The following GLRA3 variants were observed in gnomAD, a reference collection of about 807,000 sequenced individuals.
GLRA3 encodes the protein glycine receptor alpha 3, also known as glycine receptor subunit alpha-3.
GLRA3 carries 44 observed loss-of-function variants against 60.4 expected under a neutral mutation model. The observed-to-expected ratio is 0.73, with a 90% CI of 0.57 to 0.94. The LOEUF (loss-of-function observed/expected upper bound fraction) is 0.94, where lower values mean the gene tolerates loss of function less well. Ranked by LOEUF, GLRA3 falls within the 40% of genes least tolerant of loss-of-function variation. The probability of loss-of-function intolerance (pLI) is 0.00; values close to 1 mark genes in which losing one functional copy is unlikely to be tolerated. For missense variants in GLRA3, 508 were observed against 564.6 expected, an observed-to-expected ratio of 0.90 and a Z score of 1.02; for synonymous variants, 223 against 192.9, an observed-to-expected ratio of 1.16 and a Z score of -1.29.
chr4:174,826,042 G>T (rs910212527), intron 1 of GLRA3, among the ~76,000 whole-genome samples: 5 of 152,112 alleles, frequency 3.3e-5, no homozygotes, highest in Admixed American at 6.5e-5. Context: ...ACCCATGCCT[G>T]TGCTATGCTT....
chr4:174,753,276 C>G (rs1276360421), intron 3 of GLRA3, among the ~76,000 whole-genome samples: 2 of 152,178 alleles, frequency 1.3e-5, no homozygotes, highest in South Asian at 2.1e-4. Context: ...GAAGTCTCAT[C>G]GCAGCAACAG....
intron 3 of GLRA3, among the ~76,000 whole-genome samples, chr4:174,744,079 C>T (rs1737132225): frequency 6.6e-6 from 1 of 152,198 alleles, no homozygotes; most frequent in South Asian, 2.1e-4. Flanking sequence ...TCTTCCCCTA[C>T]TCTGTATGGT....
intron 3 of GLRA3, among the ~76,000 whole-genome samples, chr4:174,766,013 A>T (rs898698192): frequency 6.6e-6 from 1 of 151,582 alleles, no homozygotes; most frequent in African/African-American, 2.4e-5. Context: ...ACACTCACAC[A>T]CACCTCTACA....
chr4:174,653,155 T>A (rs1733081747), intron 9 of GLRA3, among the ~76,000 whole-genome samples: 1 of 152,104 alleles, frequency 6.6e-6, no homozygotes, highest in Non-Finnish European at 1.5e-5. Flanking sequence ...TAAATTGTTA[T>A]TAATCTCTAT....
chr4:174,682,104 C>A (rs1231971060), intron 6 of GLRA3, among the ~76,000 whole-genome samples: 1 of 152,074 alleles, frequency 6.6e-6, no homozygotes, highest in East Asian at 1.9e-4. Flanking sequence ...ATGTACTCAC[C>A]ACAATGGAGT....
chr4:174,686,875 T>G (rs12641133), intron 5 of GLRA3, among the ~76,000 whole-genome samples: 4 of 152,208 alleles, frequency 2.6e-5, no homozygotes, highest in African/African-American at 9.7e-5. Context: ...ATATAAAGTG[T>G]CAAATAATGT....
At chr4:174,696,967 A>T (rs1384881152) in intron 5 of GLRA3, among the ~76,000 whole-genome samples, 1 of 152,176 alleles carries the variant, frequency 6.6e-6, no homozygotes, top group Non-Finnish European at 1.5e-5. Context: ...GTTTCTATTC[A>T]AATTTCCTAG....
At position 174,790,777 on chromosome 4, in the gene GLRA3, G is replaced by A. The variant is rs1190056784; in HGVS notation, c.72-1834C>T. Among the ~76,000 whole-genome samples, 3 of 138,172 alleles carry A rather than the reference G, an allele frequency of 2.2e-5. No homozygotes were observed. The East Asian group carries it at 6.4e-4, about 30-fold the overall frequency. 90.6% of individuals were successfully genotyped at this position (138,172 alleles called of 152,430 possible). A position where few individuals can be genotyped will look rare whatever the true frequency, so the allele number is the denominator to read the frequency against. On this transcript the variant is annotated intron_variant, in intron 1 of 9. Transcript: ENST00000274093. ...GGGTGGATCACGAGGTAAGGAGATC[G>A]AGACCATTCTGGCTAACATGGTGAA...
intron 1 of GLRA3, among the ~76,000 whole-genome samples, chr4:174,804,719 C>T (rs753324951): frequency 6.6e-6 from 1 of 152,304 alleles, no homozygotes; most frequent in Non-Finnish European, 1.5e-5. Context: ...GAATAGCTCT[C>T]TGCACAGAAC....
intron 3 of GLRA3, among the ~76,000 whole-genome samples, chr4:174,735,244 G>A (rs1214524570): frequency 6.6e-6 from 1 of 152,126 alleles, no homozygotes; most frequent in African/African-American, 2.4e-5. Flanking sequence ...AAGCCTGTGG[G>A]TAGGAGAAAA....
chr4:174,756,882 G>A (rs938063126), intron 3 of GLRA3, among the ~76,000 whole-genome samples: 2 of 152,040 alleles, frequency 1.3e-5, no homozygotes, highest in Non-Finnish European at 1.5e-5. Context: ...TCCTGACCTC[G>A]TGATCCACCC....
intron 9 of GLRA3, among the ~76,000 whole-genome samples, chr4:174,651,416 G>T (rs968400589): frequency 2.6e-5 from 4 of 152,034 alleles, no homozygotes; most frequent in Non-Finnish European, 1.5e-5. Flanking sequence ...TAGGGTGAGA[G>T]AAAATATATA....
intron 2 of GLRA3, among the ~76,000 whole-genome samples, chr4:174,779,384 C>T (rs570556837): frequency 2.0e-5 from 3 of 152,064 alleles, no homozygotes; most frequent in Non-Finnish European, 4.4e-5. Flanking sequence ...CAGAAAAACT[C>T]GAAACTCTAA....
chr4:174,779,222 A>G (rs1277297244), intron 2 of GLRA3, among the ~76,000 whole-genome samples: 1 of 152,168 alleles, frequency 6.6e-6, no homozygotes, highest in Admixed American at 6.5e-5. Context: ...CTCACACGGC[A>G]GGGTACTCCA....
chr4:174,826,837 A>G (rs1005864334), intron 1 of GLRA3, among the ~76,000 whole-genome samples: 1 of 147,372 alleles, frequency 6.8e-6, no homozygotes, highest in Non-Finnish European at 1.5e-5. Flanking sequence ...CCAGGAAGAC[A>G]TTTATTTTAC....
chr4:174,681,627 C>T (rs1315487050), intron 6 of GLRA3, among the ~76,000 whole-genome samples: 1 of 152,098 alleles, frequency 6.6e-6, no homozygotes, highest in Non-Finnish European at 1.5e-5. Flanking sequence ...TTCCCTAAAG[C>T]TTTGAGGGAA....
At chr4:174,672,999 G>A (rs1200532539) in intron 7 of GLRA3, among the ~76,000 whole-genome samples, 1 of 151,888 alleles carries the variant, frequency 6.6e-6, no homozygotes, top group Non-Finnish European at 1.5e-5. Context: ...AAGTTTAAAA[G>A]ACTAAAATAA....
chr4:174,645,455 C>T (rs10002597), intron 9 of GLRA3, among the ~76,000 whole-genome samples: 22,578 of 148,566 alleles, frequency 0.15, 3,359 homozygotes, highest in African/African-American at 0.39. Flanking sequence ...GATGTTGGTT[C>T]TGTGAAAGTA....
rs148634501 is a variant in GLRA3 at position 174,794,573 on chromosome 4, C to T, written c.72-5630G>A. ...ATATTTCAAACCCTATTAACAAGCA[C>T]TCTCAGCACCCAATTATCCCTTTCG... is the stretch of plus-strand genomic sequence containing the variant. On this transcript the variant is annotated intron_variant, in intron 1 of 9. Coordinates refer to ENST00000274093, the MANE Select transcript of GLRA3 (RefSeq NM_006529.4). Among the ~76,000 whole-genome samples the T allele has an allele frequency of 4.6e-3, 707 of 152,274 alleles. 6 individuals carry two copies. Among genetic ancestry groups the T allele is most frequent in the African/African-American group, 0.016 (651 of 41,550 alleles).
Sources: allele counts gnomAD v4.1 joint callset (sites outside exome capture counted in the v4.1 genomes callset), GRCh38; gene constraint gnomAD v4.1.1; transcripts MANE v1.5; gene names NCBI Gene and HGNC (gene_info 2026-07-23, HGNC 2026-07-21).